Variants in PCDHA7 observed in about 807,000 individuals in gnomAD.
The protein encoded by PCDHA7 is protocadherin alpha-7.
A neutral mutation model predicts 57.2 loss-of-function variants in PCDHA7; 37 were observed. That is an observed-to-expected ratio of 0.65 (90% CI 0.50 to 0.85). The LOEUF (loss-of-function observed/expected upper bound fraction) is 0.85, where lower values mean the gene tolerates loss of function less well. Ranked by LOEUF, PCDHA7 falls within the 40% of genes least tolerant of loss-of-function variation. The pLI is 0.00. For missense variants in PCDHA7, 1,188 were observed against 1,241.8 expected (o/e 0.96, Z 0.65); for synonymous variants, 553 against 558.8 (o/e 0.99, Z 0.15).
chr5:140,891,635 G>A (rs1266162781), intron 1 of PCDHA7, among the ~76,000 whole-genome samples: 3 of 151,868 alleles, frequency 2.0e-5, no homozygotes, highest in African/African-American at 7.3e-5. Context: ...TTTGCTCTTT[G>A]GGCTTTATTG....
chr5:140,834,797 G>T lies in PCDHA7; in HGVS notation c.414G>T (p.Arg138Ser), dbSNP rs782512269. The T allele has an allele frequency of 3.1e-6, 5 of 1,612,908 alleles. No individual in the cohort carries two copies. The South Asian group carries it at 5.5e-5, about 18-fold the overall frequency. ...CTCCGGTGTTCCCAGCGACACAAAG[G>T]AATCTGTTCATCGCGGAATCCAGGC... ...DNPPVFPATQRNLFIAESRPL... is the reference protein window; with the variant it reads ...DNPPVFPATQSNLFIAESRPL... The change falls in exon 1 of 4, where the codon AGG becomes AGT. Residue 138 changes from arginine to serine, a missense_variant. By Grantham distance (110) the Arg-to-Ser change is moderately radical. Transcript: ENST00000525929.
At chr5:140,951,682 C>T (rs1327606119) in intron 1 of PCDHA7, among the ~76,000 whole-genome samples, 1 of 152,146 alleles carries the variant, frequency 6.6e-6, no homozygotes, top group East Asian at 1.9e-4. Flanking sequence ...TTGGGGATTA[C>T]AATGTGACAT....
intron 1 of PCDHA7, among the ~76,000 whole-genome samples, chr5:140,935,422 A>G (rs2090365671): frequency 6.6e-6 from 1 of 152,228 alleles, no homozygotes; most frequent in South Asian, 2.1e-4. Context: ...TTAGAAAACA[A>G]TTTCAGCACT....
chr5:140,863,326 G>T (rs782427157), intron 1 of PCDHA7: 3 of 1,432,470 alleles, frequency 2.1e-6, no homozygotes, highest in Non-Finnish European at 2.9e-6. Context: ...CAGCCTGTTA[G>T]TGCTCACGTT....
chr5:140,899,654 G>C (rs1429177993), intron 1 of PCDHA7, among the ~76,000 whole-genome samples: 1 of 152,158 alleles, frequency 6.6e-6, no homozygotes, highest in African/African-American at 2.4e-5. Context: ...ATTTGGTTGT[G>C]TCTCTGCCCG....
At chr5:140,883,141 T>C (rs975281074) in intron 1 of PCDHA7, 5 of 1,614,092 alleles carry the variant, frequency 3.1e-6, no homozygotes, top group Non-Finnish European at 4.2e-6. Flanking sequence ...CAGTGGTATA[T>C]GCATTTACCA....
Position 140,926,934 on chromosome 5 carries a change from C to T in PCDHA7, c.2356-52015C>T, listed in dbSNP as rs138351230. ...TGGCAGTTTTATGTTTGTGGGTTTC[C>T]TGCGGCGCTGCAGCGGGACAGCTCG... On this transcript the variant is annotated intron_variant, in intron 1 of 3. Coordinates refer to ENST00000525929, the MANE Select transcript of PCDHA7 (RefSeq NM_018910.3). The T allele has an allele frequency of 5.7e-6, 9 of 1,578,848 alleles. No homozygotes were observed. The African/African-American group carries it at 1.2e-4, about 21-fold the overall frequency.
chr5:140,870,956 G>T (rs1554164932), intron 1 of PCDHA7: 2 of 1,613,520 alleles, frequency 1.2e-6, no homozygotes, highest in East Asian at 2.2e-5. Flanking sequence ...GGCGGCTCGC[G>T]CATCCCGTTC....
chr5:140,857,573 G>A (rs142356019), intron 1 of PCDHA7: 83,412 of 1,596,632 alleles, frequency 0.052, 9,343 homozygotes, highest in Middle Eastern at 0.089. Flanking sequence ...CTACGTGTCG[G>A]TGCACGCGGA....
chr5:141,005,701 CA>C (rs59860837), intron 3 of PCDHA7, among the ~76,000 whole-genome samples: 201 of 7,776 alleles, frequency 0.026, no homozygotes, highest in African/African-American at 0.052. Flanking sequence ...AACTCCGTCT[CA>C]AAAAAAAAAA....
At chr5:140,966,463 TC>T in intron 1 of PCDHA7, 1 of 429,360 alleles carries the variant, frequency 2.3e-6, no homozygotes, top group Non-Finnish European at 4.0e-6. Flanking sequence ...CCCTCTGTCT[TC>T]CCTTCTGTTT....
chr5:140,854,644 T>C (rs1213707122), intron 1 of PCDHA7: 1 of 150,056 alleles, frequency 6.7e-6, no homozygotes, highest in African/African-American at 2.4e-5. Flanking sequence ...AAAACATCAT[T>C]AAATAAAATA....
chr5:140,928,158 AC>A, intron 1 of PCDHA7: 7 of 1,614,066 alleles, frequency 4.3e-6, no homozygotes, highest in Non-Finnish European at 5.9e-6. Flanking sequence ...ATAGTGGCTC[AC>A]CCCCACTTAG....
intron 1 of PCDHA7, chr5:140,881,923 AGTGATT>A (rs2058875658): frequency 3.8e-6 from 1 of 262,834 alleles, no homozygotes; most frequent in African/African-American, 2.2e-5. Flanking sequence ...AGCAGAATGC[AGTGATT>A]TGCTGTTTCT....
At chr5:140,846,407 C>G (rs1780453482) in intron 1 of PCDHA7, among the ~76,000 whole-genome samples, 4 of 124,998 alleles carry the variant, frequency 3.2e-5, no homozygotes, top group Admixed American at 1.8e-4. Context: ...CGGAGTCTCG[C>G]TCTATCTCCC....
Position 140,967,929 on chromosome 5 carries a change from G to A in PCDHA7, c.2356-11020G>A, listed in dbSNP as rs1554230126. 5 of 1,614,096 alleles carry A rather than the reference G, an allele frequency of 3.1e-6. No homozygotes were observed. The South Asian group carries it at 4.4e-5, about 14-fold the overall frequency. ...CCCAACACCATTGTGGCCGTTCTCAGTGTCAATGACCAAGACTCAGGCCCC... is the reference window on the plus strand; with the variant it reads ...CCCAACACCATTGTGGCCGTTCTCAATGTCAATGACCAAGACTCAGGCCCC... On this transcript the variant is annotated intron_variant, in intron 1 of 3. Coordinates refer to ENST00000525929, the MANE Select transcript of PCDHA7 (RefSeq NM_018910.3).
chr5:140,877,380 C>A, intron 1 of PCDHA7: 1 of 1,613,980 alleles, frequency 6.2e-7, no homozygotes, highest in Non-Finnish European at 8.5e-7. Context: ...CGACACGCAT[C>A]CTGGATGAGG....
rs1252863979 is a variant in PCDHA7, at chr5:140,839,702, T to C, written c.2355+2964T>C. Among the ~76,000 whole-genome samples the C allele has an allele frequency of 2.6e-5, 4 of 152,086 alleles. 1 individual carries two copies. Among genetic ancestry groups the C allele is most frequent in the Non-Finnish European group, 5.9e-5 (4 of 68,020 alleles). On this transcript the variant is annotated intron_variant, in intron 1 of 3. Transcript: ENST00000525929. ...CAGAGATTTTTTTGGGTAAATAATG[T>C]GATGACAAATTTAAATCATTTCACA...
chr5:140,970,293 T>C (rs2096396195), intron 1 of PCDHA7, among the ~76,000 whole-genome samples: 3 of 152,220 alleles, frequency 2.0e-5, no homozygotes, highest in Admixed American at 2.0e-4. Context: ...TTTCAAGTCC[T>C]TCATGTCTTT....
Sources: gnomAD v4.1 joint callset for allele counts (sites outside exome capture counted in the v4.1 genomes callset) on GRCh38, gnomAD v4.1.1 for gene constraint, MANE v1.5 for transcripts, NCBI Gene and HGNC (gene_info 2026-07-23, HGNC 2026-07-21) for gene names.